The following ELN variants were observed in gnomAD, a reference collection of about 807,000 sequenced individuals.
ELN encodes the protein elastin.
ELN carries 65 observed loss-of-function variants against 105.8 expected under a neutral mutation model. The ratio of observed to expected loss-of-function variants is 0.61; its 90% CI spans 0.50 to 0.75. ELN has a LOEUF of 0.75. ELN is among the 30% of genes least tolerant of loss of function. ELN has a pLI of 0.00. For missense variants in ELN, 882 were observed against 969.4 expected (o/e 0.91, Z 1.20); for synonymous variants, 368 against 389.2 (o/e 0.95, Z 0.64).
At chr7:74,056,839 C>T in intron 21 of ELN, 126 bp downstream of exon 21, 1 of 1,213,700 alleles carries the variant, frequency 8.2e-7, no homozygotes, top group South Asian at 1.2e-5. Flanking sequence ...CACGAGGCCC[C>T]TGCCCCATCT....
At chr7:74,060,996 C>A in intron 25 of ELN, 105 bp from the exon 26 acceptor site, 1 of 1,365,576 alleles carries the variant, frequency 7.3e-7, no homozygotes. Context: ...TTTGAGGAAG[C>A]AATAGAGGCC....
intron 22 of ELN, 106 bp downstream of exon 22, chr7:74,057,802 A>G: frequency 7.5e-7 from 1 of 1,331,720 alleles, no homozygotes; most frequent in East Asian, 2.4e-5. Context: ...ACCCCACTTA[A>G]GCTGTCACAT....
intron 22 of ELN, among the ~76,000 whole-genome samples, chr7:74,058,000 G>T (rs1411284954): frequency 6.6e-6 from 1 of 151,986 alleles, no homozygotes; most frequent in Non-Finnish European, 1.5e-5. Flanking sequence ...AGGGACTCCA[G>T]TTCTCCCCCT....
chr7:74,060,255 A>G, intron 24 of ELN, 71 bp downstream of exon 24: 1 of 1,613,738 alleles, frequency 6.2e-7, no homozygotes, highest in Non-Finnish European at 8.5e-7. Flanking sequence ...ACAGCCAGGG[A>G]GGAGGCCGCT....
At chr7:74,044,507 G>A (rs1792001153) in intron 9 of ELN, among the ~76,000 whole-genome samples, 1 of 152,162 alleles carries the variant, frequency 6.6e-6, no homozygotes, top group Non-Finnish European at 1.5e-5. Flanking sequence ...CCCGAGGACA[G>A]ATCCCAGTGT....
intron 4 of ELN, among the ~76,000 whole-genome samples, chr7:74,038,894 C>T (rs1260419187): frequency 1.3e-5 from 2 of 152,226 alleles, no homozygotes; most frequent in African/African-American, 2.4e-5. Flanking sequence ...CTGGGGTCTA[C>T]AGGGCTCTGC....
chr7:74,066,957 C>A (rs1325785528), intron 32 of ELN, among the ~76,000 whole-genome samples, 181 bp downstream of exon 32: 2 of 152,230 alleles, frequency 1.3e-5, no homozygotes, highest in African/African-American at 4.8e-5. Flanking sequence ...TTCTTGCTGA[C>A]CTCTTATAAA....
At position 74,032,546 on chromosome 7, in the gene ELN, A is replaced by C. The variant is rs141786746; in HGVS notation, c.83-2818A>C. ...AGGCAGGAATCCTTCGTAGCCCCTA[A>C]ACCTTCTCCATTTCCTCATTGCAAA... On this transcript the variant is annotated intron_variant, in intron 1 of 32. Coordinates refer to ENST00000252034, the MANE Select transcript of ELN (RefSeq NM_000501.4). 4.9e-4 allele frequency among the ~76,000 whole-genome samples: 75 copies of C among 152,308 alleles called. 1 individual carries two copies. The East Asian group carries it at 0.014, about 29-fold the overall frequency.
chr7:74,064,308 A>G (rs1469265342), intron 29 of ELN, among the ~76,000 whole-genome samples: 21 of 151,288 alleles, frequency 1.4e-4, no homozygotes, highest in South Asian at 4.2e-4. Context: ...CCAGCTACTC[A>G]GGAGGCTGAG....
chr7:74,046,732 C>T lies in ELN; in HGVS notation c.608C>T (p.Pro203Leu). ...TTTGGGGGACCGCAACCTGGAGTCC[C>T]ACTGGGGTATCCCATCAAGGCCCCC... ...GPFGGPQPGV[P>L]LGYPIKAPKL... Residue 203 changes from proline to leucine, a missense_variant, in exon 12 of 33, where the codon CCA becomes CTA. Pro to Leu is a moderately conservative substitution (Grantham distance 98, BLOSUM62 -3). Transcript: ENST00000252034. The T allele has an allele frequency of 1.2e-6, 2 of 1,614,186 alleles. No homozygotes were observed. Among genetic ancestry groups the T allele is most frequent in the Non-Finnish European group, 1.7e-6 (2 of 1,180,024 alleles).
At chr7:74,066,907 A>T in intron 32 of ELN, 131 bp downstream of exon 32, 1 of 901,336 alleles carries the variant, frequency 1.1e-6, no homozygotes, top group Non-Finnish European at 1.8e-6. Flanking sequence ...CTCAGGTCAC[A>T]CGAGGCTGGA....
At position 74,032,206 on chromosome 7, in the gene ELN, G is replaced by C. The variant is rs140983743; in HGVS notation, c.83-3158G>C. On this transcript the variant is annotated intron_variant, in intron 1 of 32. Coordinates refer to ENST00000252034, the MANE Select transcript of ELN (RefSeq NM_000501.4). Reference sequence around the variant, plus strand: ...AGACAAGTTCCACCCTGGGCTAGTCGGTGAAACATGCCAAAACCACATAAA... The same window carrying C: ...AGACAAGTTCCACCCTGGGCTAGTCCGTGAAACATGCCAAAACCACATAAA... 1.2e-4 allele frequency among the ~76,000 whole-genome samples: 18 copies of C among 152,274 alleles called. No individual in the cohort carries two copies. The East Asian group carries it at 3.3e-3, about 28-fold the overall frequency.
chr7:74,040,563 A>C (rs1258217229), intron 4 of ELN, among the ~76,000 whole-genome samples: 1 of 152,174 alleles, frequency 6.6e-6, no homozygotes, highest in Non-Finnish European at 1.5e-5. Context: ...CACTTGTAGG[A>C]GAGATCGTCA....
chr7:74,034,970 A>G (rs1168743945), intron 1 of ELN, among the ~76,000 whole-genome samples: 1 of 151,742 alleles, frequency 6.6e-6, no homozygotes, highest in African/African-American at 2.4e-5. Context: ...GCTTGGTGGC[A>G]TGCACCTGTA....
At chr7:74,048,695 A>T (rs1793152945) in intron 15 of ELN, 139 bp downstream of exon 15, 1 of 923,706 alleles carries the variant, frequency 1.1e-6, no homozygotes, top group Non-Finnish European at 1.7e-6. Flanking sequence ...CCATCTATCT[A>T]TCCCTCCCTC....
At chr7:74,051,180 G>C (rs1394418293) in intron 15 of ELN, among the ~76,000 whole-genome samples, 4 of 152,150 alleles carry the variant, frequency 2.6e-5, no homozygotes, top group African/African-American at 9.7e-5. Flanking sequence ...CTCAGCCCCA[G>C]GGAAGCCCTT....
intron 11 of ELN, 148 bp from the exon 12 acceptor site, chr7:74,046,548 C>T: frequency 2.4e-6 from 2 of 840,154 alleles, no homozygotes; most frequent in Non-Finnish European, 3.9e-6. Context: ...CTCAACTGAC[C>T]CATGATGGAG....
In ELN at chr7:74,042,647, G is replaced by A. The variant is rs1335986906; in HGVS notation, c.266G>A (p.Gly89Glu). The change falls in exon 6 of 33, where the codon GGG becomes GAG. Residue 89 changes from glycine (G) to glutamate (E), a missense_variant. Physicochemically the swap from Gly to Glu is moderately conservative, Grantham distance 98. Transcript: ENST00000252034. ...GCCTTCCCCGCAGTTACCTTTCCGG[G>A]GGCTCTGGTGCCTGGTGGAGTGGCT... ...LGAFPAVTFP[G>E]ALVPGGVADA... 2 of 1,613,508 alleles carry A rather than the reference G, an allele frequency of 1.2e-6. No homozygotes were observed. The highest frequency in any genetic ancestry group is 1.7e-6 in the Non-Finnish European group (2 of 1,180,022).
intron 12 of ELN, among the ~76,000 whole-genome samples, chr7:74,047,438 C>T (rs1792834411): frequency 6.6e-6 from 1 of 152,218 alleles, no homozygotes; most frequent in Non-Finnish European, 1.5e-5. Flanking sequence ...AATACTCAGA[C>T]TCCAGGGCCA....
Sources: gnomAD v4.1 joint callset for allele counts (sites outside exome capture counted in the v4.1 genomes callset) on GRCh38, gnomAD v4.1.1 for gene constraint, MANE v1.5 for transcripts, NCBI Gene and HGNC (gene_info 2026-07-23, HGNC 2026-07-21) for gene names.